PBX1: variants seen among roughly 807,000 people sequenced by gnomAD.
PBX1 encodes pre-B-cell leukemia transcription factor 1.
A neutral mutation model predicts 53.4 loss-of-function variants in PBX1; 6 were observed. That is an observed-to-expected ratio of 0.11 (90% confidence interval 0.06 to 0.22). The LOEUF is 0.22. PBX1 is among the 10% of genes least tolerant of loss of function. The pLI is 1.00. For synonymous variants in PBX1, 204 were observed against 212.3 expected (o/e 0.96, Z 0.34); for missense variants, 251 against 551.4 (o/e 0.46, Z 5.46).
At chr1:164,570,594 A>G (rs1169676386) in intron 2 of PBX1, among the ~76,000 whole-genome samples, 1 of 152,078 alleles carries the variant, frequency 6.6e-6, no homozygotes, top group Non-Finnish European at 1.5e-5. Context: ...CATTTTCTTT[A>G]TGCAGTCTAT....
intron 8 of PBX1, among the ~76,000 whole-genome samples, chr1:164,843,686 T>A (rs1671418611): frequency 6.6e-6 from 1 of 152,188 alleles, no homozygotes; most frequent in Non-Finnish European, 1.5e-5. Context: ...ATAATTCCTA[T>A]TTCTCCCATC....
intron 4 of PBX1, among the ~76,000 whole-genome samples, chr1:164,801,310 G>A (rs1227320648): frequency 3.3e-5 from 5 of 152,144 alleles, no homozygotes; most frequent in South Asian, 2.1e-4. Context: ...CCCGTTCTGC[G>A]TAGTGCAAAG....
chr1:164,846,478 C>A, intron 8 of PBX1, 106 bp from the exon 9 acceptor site: 1 of 904,306 alleles, frequency 1.1e-6, no homozygotes, highest in South Asian at 1.3e-5. Context: ...CTCCATGTGC[C>A]AGGCACTATG....
intron 2 of PBX1, among the ~76,000 whole-genome samples, chr1:164,762,969 G>A (rs776115033): frequency 6.6e-6 from 1 of 152,144 alleles, no homozygotes; most frequent in Non-Finnish European, 1.5e-5. Flanking sequence ...ATAATTTCCA[G>A]TGTACCAAGT....
intron 2 of PBX1, among the ~76,000 whole-genome samples, chr1:164,758,942 G>A (rs1002261016): frequency 6.6e-6 from 1 of 152,120 alleles, no homozygotes; most frequent in Non-Finnish European, 1.5e-5. Flanking sequence ...ATTAAGGCAA[G>A]CAAAGGCAGG....
In PBX1 at chr1:164,846,882, G is replaced by A; in HGVS notation, c.*206G>A. On this transcript the variant is annotated 3_prime_UTR_variant, in exon 9 of 9. Transcript: ENST00000420696. ...TATACTCTCTTCCCTTTTTTTTCTG[G>A]GTAGAAGCCACCCTTCCCTGCCTCC... 7.2e-7 allele frequency: 1 copy of A among 1,392,442 alleles called. No individual in the cohort carries two copies. The highest frequency in any genetic ancestry group is 1.7e-5 in the South Asian group (1 of 57,632). 86.3% of individuals were successfully genotyped at this position (1,392,442 alleles called of 1,614,324 possible).
intron 2 of PBX1, among the ~76,000 whole-genome samples, chr1:164,717,955 G>A (rs1664196372): frequency 2.0e-5 from 3 of 152,184 alleles, no homozygotes; most frequent in Non-Finnish European, 4.4e-5. Context: ...CATGTACTGT[G>A]TCAGACACCA....
At chr1:164,799,247 T>G (rs535674218) in intron 3 of PBX1, among the ~76,000 whole-genome samples, 7 of 152,080 alleles carry the variant, frequency 4.6e-5, no homozygotes, top group Non-Finnish European at 1.0e-4. Flanking sequence ...TCCCAGCACT[T>G]TGGGAGGCCG....
At chr1:164,751,282 T>C (rs1462531592) in intron 2 of PBX1, among the ~76,000 whole-genome samples, 1 of 142,032 alleles carries the variant, frequency 7.0e-6, no homozygotes, top group Non-Finnish European at 1.5e-5. Context: ...GCCACTGCAC[T>C]CCAGCCTGGG....
rs1349535088 is a variant in PBX1, at chr1:164,848,789, A to C, written c.*2113A>C. On this transcript the variant is annotated 3_prime_UTR_variant, in exon 9 of 9. Coordinates refer to ENST00000420696, the MANE Select transcript of PBX1 (RefSeq NM_002585.4). The stretch of plus-strand genomic sequence containing the variant: ...GTGAGAATGGGCAGCTAGCAAGAAC[A>C]TGGAAATTCTGCTTGGCACTACAGT... 4.7e-6 allele frequency: 5 copies of C among 1,062,202 alleles called. No homozygotes were observed. In the African/African-American group the frequency reaches 8.2e-5, roughly 17 times the overall value. The allele number at this position is 1,062,202 out of a possible 1,614,324, so 65.8% of individuals were successfully genotyped here.
chr1:164,746,072 T>G (rs1665875717), intron 2 of PBX1, among the ~76,000 whole-genome samples: 1 of 152,246 alleles, frequency 6.6e-6, no homozygotes, highest in South Asian at 2.1e-4. Context: ...TATTTTTAAA[T>G]GGCTATTCTA....
chr1:164,719,155 G>A (rs1368618345), intron 2 of PBX1, among the ~76,000 whole-genome samples: 2 of 152,222 alleles, frequency 1.3e-5, no homozygotes, highest in Non-Finnish European at 2.9e-5. Flanking sequence ...GCCAGTCTGT[G>A]AGAGAGAACA....
intron 2 of PBX1, among the ~76,000 whole-genome samples, chr1:164,729,475 T>C (rs1482366370): frequency 2.6e-5 from 4 of 152,202 alleles, no homozygotes; most frequent in Admixed American, 1.3e-4. Flanking sequence ...AAAGATGTTG[T>C]GTAAATATGT....
At chr1:164,728,433 T>G (rs1307399388) in intron 2 of PBX1, among the ~76,000 whole-genome samples, 1 of 152,172 alleles carries the variant, frequency 6.6e-6, no homozygotes, top group Non-Finnish European at 1.5e-5. Flanking sequence ...TCTGCACAAA[T>G]GTGCTCCCAT....
intron 2 of PBX1, among the ~76,000 whole-genome samples, chr1:164,656,165 G>A (rs763036964): frequency 1.8e-4 from 28 of 152,114 alleles, no homozygotes; most frequent in Non-Finnish European, 2.6e-4. Context: ...AGGATCTATC[G>A]ATATGGCTAC....
chr1:164,873,018 C>A (rs902822549), intron 2 of PBX1, among the ~76,000 whole-genome samples: 4 of 152,164 alleles, frequency 2.6e-5, no homozygotes, highest in African/African-American at 9.7e-5. Context: ...TCCTTTCACT[C>A]CAGCTCTACA....
intron 2 of PBX1, among the ~76,000 whole-genome samples, chr1:164,598,026 A>T (rs1223235044): frequency 6.6e-6 from 1 of 152,066 alleles, no homozygotes; most frequent in Non-Finnish European, 1.5e-5. Flanking sequence ...TGGCTCTGGC[A>T]TTTGGTGAGG....
At chr1:164,864,278 C>T (rs1394368626) in intron 2 of PBX1, among the ~76,000 whole-genome samples, 4 of 152,010 alleles carry the variant, frequency 2.6e-5, no homozygotes. Context: ...AGGCCCTAGC[C>T]CTTCAGCCTC....
intron 2 of PBX1, among the ~76,000 whole-genome samples, chr1:164,652,393 A>G (rs368771585): frequency 5.9e-5 from 9 of 152,186 alleles, no homozygotes; most frequent in Non-Finnish European, 4.4e-5. Flanking sequence ...TCTTTTCTAT[A>G]TAACCTTGTG....
Sources: allele counts gnomAD v4.1 joint callset (sites outside exome capture counted in the v4.1 genomes callset), GRCh38; gene constraint gnomAD v4.1.1; transcripts MANE v1.5; gene names NCBI Gene and HGNC (gene_info 2026-07-23, HGNC 2026-07-21).